COLEC10: variants seen among roughly 807,000 people sequenced by gnomAD.
COLEC10 encodes the protein collectin-10.
Under a neutral mutation model 28.4 loss-of-function variants are expected in COLEC10, and 22 were observed. That is an observed-to-expected ratio of 0.78 (90% confidence interval 0.55 to 1.11). The LOEUF is 1.11. COLEC10 is among the 50% of genes least tolerant of loss of function. COLEC10 has a pLI of 0.00. For missense variants in COLEC10, 361 were observed against 344.1 expected, an observed-to-expected ratio of 1.05 and a Z score of -0.39; for synonymous variants, 125 against 116.1, an observed-to-expected ratio of 1.08 and a Z score of -0.49.
chr8:119,056,055 T>A (rs1366496183), intron 2 of COLEC10, among the ~76,000 whole-genome samples: 1 of 152,048 alleles, frequency 6.6e-6, no homozygotes, highest in Non-Finnish European at 1.5e-5. Flanking sequence ...TGACACCGCA[T>A]CCAATTGTTT....
chr8:119,012,466 G>A (rs1278704057), intron 2 of COLEC10, among the ~76,000 whole-genome samples: 1 of 150,420 alleles, frequency 6.6e-6, no homozygotes, highest in Non-Finnish European at 1.5e-5. Flanking sequence ...TAGTGTTAGG[G>A]TAATGCTAGC....
intron 2 of COLEC10, among the ~76,000 whole-genome samples, chr8:119,012,027 C>T (rs1348558078): frequency 1.3e-4 from 19 of 150,668 alleles, no homozygotes; most frequent in Non-Finnish European, 7.4e-5. Context: ...GAGAGGATAT[C>T]CTTGCCTTAT....
At chr8:118,954,145 C>T in the COLEC10 span, among the ~76,000 whole-genome samples, 1 of 152,206 alleles carries the variant, frequency 6.6e-6, no homozygotes, top group Non-Finnish European at 1.5e-5. Flanking sequence ...CTGGCTCTCC[C>T]TGCAAAGGAG....
intron 3 of COLEC10, 26 bp from the exon 4 acceptor site, chr8:119,102,321 AT>A: frequency 7.8e-7 from 1 of 1,278,184 alleles, no homozygotes; most frequent in Non-Finnish European, 1.0e-6. Context: ...ATTTTATTTT[AT>A]TTTGGTTGCT....
At position 119,036,249 on chromosome 8, in the gene COLEC10, A is replaced by C. The variant is rs200435748; in HGVS notation, n.235+26696A>C. 3.9e-5 allele frequency among the ~76,000 whole-genome samples: 6 copies of C among 152,216 alleles called. No individual in the cohort carries two copies. The East Asian group carries it at 9.6e-4, about 24-fold the overall frequency. On this transcript the variant is annotated intron_variant and non_coding_transcript_variant, in intron 2 of 6. Coordinates refer to the COLEC10 transcript ENST00000521788. ...TATGTACAGACTTAATTATATGTATATTATTTCTTTTACACAAACAGGTAC... is the reference window on the plus strand; with the variant it reads ...TATGTACAGACTTAATTATATGTATCTTATTTCTTTTACACAAACAGGTAC...
chr8:119,041,628 G>C (rs991751515), intron 2 of COLEC10, among the ~76,000 whole-genome samples: 1 of 152,060 alleles, frequency 6.6e-6, no homozygotes, highest in Non-Finnish European at 1.5e-5. Context: ...CCATAATACT[G>C]TTGTTAGGAT....
chr8:118,984,630 G>A, the COLEC10 span, among the ~76,000 whole-genome samples: 10 of 152,174 alleles, frequency 6.6e-5, no homozygotes, highest in South Asian at 4.1e-4. Context: ...GGAAAGCACC[G>A]TGTGATGATA....
chr8:119,010,067 C>T (rs1226242115), intron 2 of COLEC10, among the ~76,000 whole-genome samples: 2 of 150,772 alleles, frequency 1.3e-5, no homozygotes, highest in Non-Finnish European at 2.9e-5. Context: ...GAGCATTGTA[C>T]ATTCTGTGGG....
intron 2 of COLEC10, among the ~76,000 whole-genome samples, chr8:119,042,225 T>C (rs1422007849): frequency 6.6e-6 from 1 of 152,034 alleles, no homozygotes; most frequent in East Asian, 1.9e-4. Flanking sequence ...CTCGAACTCC[T>C]GACCTCAGGT....
intron 2 of COLEC10, among the ~76,000 whole-genome samples, chr8:119,059,896 G>T (rs890970655): frequency 6.6e-6 from 1 of 151,972 alleles, no homozygotes; most frequent in Admixed American, 6.6e-5. Flanking sequence ...AAAGAAAAAA[G>T]CCCTGAAATG....
chr8:119,089,819 C>G, intron 2 of COLEC10, 68 bp downstream of exon 2: 1 of 1,333,542 alleles, frequency 7.5e-7, no homozygotes, highest in Non-Finnish European at 1.1e-6. Context: ...CTGGCCCTTG[C>G]CCTGGAAATT....
At chr8:119,067,100 T>C (rs1814979017), upstream of COLEC10, 1 of 576,700 alleles carries the variant, frequency 1.7e-6, no homozygotes, top group Non-Finnish European at 3.1e-6. Context: ...GGACAATGTA[T>C]GGTCCATTTG....
At chr8:118,988,547 G>A in the COLEC10 span, among the ~76,000 whole-genome samples, 2 of 152,102 alleles carry the variant, frequency 1.3e-5, no homozygotes, top group Non-Finnish European at 2.9e-5. Flanking sequence ...AGTAGGAGAC[G>A]AGAGAAAAAG....
the COLEC10 span, among the ~76,000 whole-genome samples, chr8:118,974,288 A>G: frequency 6.6e-6 from 1 of 152,004 alleles, no homozygotes; most frequent in Non-Finnish European, 1.5e-5. Flanking sequence ...CATGCAATAC[A>G]TGAAGACCTA....
intron 2 of COLEC10, 129 bp from the exon 3 acceptor site, chr8:119,091,020 G>T (rs1328481363): frequency 2.8e-6 from 2 of 720,728 alleles, no homozygotes; most frequent in Non-Finnish European, 4.9e-6. Context: ...ATATAGCATG[G>T]GATATATATT....
In COLEC10 at chr8:119,102,622, G is replaced by A. The variant is rs537731411; in HGVS notation, c.346+221G>A. Reference sequence around the variant, plus strand: ...TGATGACACGTTTCATCCCTGCCATGCTTACTATGAGAAGAAAGCCCAGCC... The same window carrying A: ...TGATGACACGTTTCATCCCTGCCATACTTACTATGAGAAGAAAGCCCAGCC... On this transcript the variant is annotated intron_variant, in intron 4 of 5. Transcript: ENST00000332843. The A allele has an allele frequency of 1.2e-3, 524 of 441,384 alleles. 1 individual carries two copies. Among genetic ancestry groups the A allele is most frequent in the African/African-American group, 9.8e-3 (473 of 48,444 alleles). The allele number at this position is 441,384 out of a possible 1,614,324, so 27.3% of individuals were successfully genotyped here.
intron 2 of COLEC10, among the ~76,000 whole-genome samples, chr8:119,019,688 A>G (rs1814058385): frequency 6.6e-6 from 1 of 152,132 alleles, no homozygotes. Context: ...TACTCTAACC[A>G]GATTCCACAG....
At chr8:119,097,361 AT>A (rs974513275) in intron 3 of COLEC10, among the ~76,000 whole-genome samples, 21 of 152,078 alleles carry the variant, frequency 1.4e-4, no homozygotes, top group African/African-American at 5.1e-4. Context: ...TAAAAATGAT[AT>A]TAGAAATTTG....
intron 2 of COLEC10, among the ~76,000 whole-genome samples, chr8:119,028,969 G>A (rs1412728046): frequency 2.6e-5 from 4 of 152,168 alleles, no homozygotes; most frequent in African/African-American, 7.2e-5. Flanking sequence ...GATGAATAAA[G>A]GGAAATGTGG....
Sources: allele counts gnomAD v4.1 joint callset (sites outside exome capture counted in the v4.1 genomes callset), GRCh38; gene constraint gnomAD v4.1.1; transcripts MANE v1.5; gene names NCBI Gene and HGNC (gene_info 2026-07-23, HGNC 2026-07-21).